Variants in PDE1C observed in about 807,000 individuals in gnomAD.
PDE1C encodes the protein dual specificity calcium/calmodulin-dependent 3',5'-cyclic nucleotide phosphodiesterase 1C.
PDE1C carries 62 observed loss-of-function variants against 93.1 expected under a neutral mutation model. The observed-to-expected ratio is 0.67, with a 90% confidence interval of 0.54 to 0.82. The LOEUF (loss-of-function observed/expected upper bound fraction) is 0.82, where lower values mean the gene tolerates loss of function less well. Among genes scored for constraint, PDE1C ranks in the 40% least tolerant of loss-of-function variants. The pLI, the probability that PDE1C is intolerant of heterozygous loss-of-function variation, is 0.00. For missense variants in PDE1C, 742 were observed against 884.6 expected (o/e 0.84, Z 2.04); for synonymous variants, 325 against 310.1 (o/e 1.05, Z -0.50).
intron 1 of PDE1C, among the ~76,000 whole-genome samples, chr7:32,273,169 A>G (rs1388209298): frequency 6.6e-5 from 10 of 152,198 alleles, no homozygotes; most frequent in African/African-American, 2.4e-4. Flanking sequence ...TATTAGTTAC[A>G]AAAAAGAAGA....
chr7:32,341,269 G>A (rs1783748131), intron 1 of PDE1C, among the ~76,000 whole-genome samples: 2 of 124,564 alleles, frequency 1.6e-5, no homozygotes, highest in East Asian at 2.8e-4. Context: ...TCCGCCTCCC[G>A]GGTTCACGCC....
the PDE1C span, among the ~76,000 whole-genome samples, chr7:31,669,261 C>A: frequency 1.3e-5 from 2 of 151,596 alleles, no homozygotes; most frequent in African/African-American, 4.8e-5. Flanking sequence ...TTTTCTTTTT[C>A]ATAAGCAAAA....
rs866818305 is a variant in PDE1C, at chr7:32,112,870, A to C, written c.308+56915T>G. ...TGTATATATATATATATATATATAT[A>C]TATCTCAAACTCCTGCCTGCTTCTT... On this transcript the variant is annotated intron_variant, in intron 3 of 18. Transcript: ENST00000396193. 5.5e-3 allele frequency among the ~76,000 whole-genome samples: 784 copies of C among 141,468 alleles called. 10 individuals are homozygous for C. Among genetic ancestry groups the C allele is most frequent in the African/African-American group, 0.02 (736 of 36,966 alleles). 92.8% of individuals were successfully genotyped at this position (141,468 alleles called of 152,430 possible). A position where few individuals can be genotyped will look rare whatever the true frequency, so the allele number is the denominator to read the frequency against.
At chr7:32,117,058 T>C (rs968779381) in intron 3 of PDE1C, among the ~76,000 whole-genome samples, 2 of 152,150 alleles carry the variant, frequency 1.3e-5, no homozygotes, top group Admixed American at 6.6e-5. Context: ...TCAGAGTAAA[T>C]AGATGCAAAA....
At chr7:32,135,475 AT>A (rs1367903087) in intron 3 of PDE1C, among the ~76,000 whole-genome samples, 1 of 152,214 alleles carries the variant, frequency 6.6e-6, no homozygotes, top group Non-Finnish European at 1.5e-5. Context: ...CTGAATAGGC[AT>A]TTTTCCAAAG....
At chr7:31,856,682 C>CTTT (rs35316004) in intron 7 of PDE1C, among the ~76,000 whole-genome samples, 1 of 121,048 alleles carries the variant, frequency 8.3e-6, no homozygotes, top group African/African-American at 3.0e-5. Context: ...ATATAAGAGG[C>CTTT]TTTTTTTTTT....
intron 3 of PDE1C, among the ~76,000 whole-genome samples, chr7:32,110,167 T>C (rs1440898133): frequency 6.6e-6 from 1 of 152,192 alleles, no homozygotes; most frequent in Non-Finnish European, 1.5e-5. Context: ...TGGTCTGTGG[T>C]GGCTTTCACA....
Position 32,247,531 on chromosome 7 carries a change from G to C in PDE1C, c.86-37992C>G, listed in dbSNP as rs73687118. Among the ~76,000 whole-genome samples, 171 of 122,382 alleles carry C rather than the reference G, an allele frequency of 1.4e-3. 6 individuals are homozygous for C. Among genetic ancestry groups the C allele is most frequent in the African/African-American group, 2.3e-3 (74 of 32,390 alleles). The allele number at this position is 122,382 out of a possible 152,430, so 80.3% of individuals were successfully genotyped here. On this transcript the variant is annotated intron_variant, in intron 1 of 18. Coordinates refer to the PDE1C transcript ENST00000396193. ...GAAAAGACAAGTGACATGGTGAGTA[G>C]AGACAGTCCCCAACTTATAATGGCT...
intron 2 of PDE1C, among the ~76,000 whole-genome samples, chr7:32,196,969 A>G (rs1287988714): frequency 6.6e-6 from 1 of 152,200 alleles, no homozygotes; most frequent in East Asian, 1.9e-4. Context: ...AGGAACTTCT[A>G]TAGGGATGAG....
intron 2 of PDE1C, among the ~76,000 whole-genome samples, chr7:31,932,573 G>A (rs186809278): frequency 4.2e-4 from 64 of 152,190 alleles, no homozygotes; most frequent in Admixed American, 2.3e-3. Context: ...CAACAGATGC[G>A]GGTGAGGATG....
intron 2 of PDE1C, among the ~76,000 whole-genome samples, chr7:31,920,003 T>G (rs1169688437): frequency 1.3e-5 from 2 of 152,230 alleles, no homozygotes; most frequent in Non-Finnish European, 1.5e-5. Flanking sequence ...TCTGCACTCA[T>G]GCTCATCCTC....
chr7:31,732,636 T>TTGTGTGTGTGTGTGTGTGTG, the PDE1C span, among the ~76,000 whole-genome samples: 22 of 103,204 alleles, frequency 2.1e-4, 2 homozygotes, highest in African/African-American at 7.0e-4. Flanking sequence ...TCTCCTCTCT[T>TTGTGTGTGTGTGTGTGTGTG]TCTGTGTGTG....
the PDE1C span, among the ~76,000 whole-genome samples, chr7:31,741,939 C>T: frequency 1.7e-3 from 265 of 152,344 alleles, 1 homozygote; most frequent in African/African-American, 6.2e-3. Context: ...TAGCCCTCAT[C>T]ACATTGTTTG....
At chr7:32,342,756 A>G (rs1482640665) in intron 1 of PDE1C, among the ~76,000 whole-genome samples, 2 of 152,176 alleles carry the variant, frequency 1.3e-5, no homozygotes, top group Non-Finnish European at 2.9e-5. Context: ...AAATGGGACT[A>G]TAATAACACT....
chr7:32,172,880 G>GAAA (rs138743284), intron 2 of PDE1C, among the ~76,000 whole-genome samples: 17,456 of 148,404 alleles, frequency 0.12, 1,163 homozygotes, highest in Middle Eastern at 0.19. Flanking sequence ...AGGCTGTGGA[G>GAAA]AAATAGGAAC....
chr7:32,198,473 T>C (rs562527855), intron 2 of PDE1C, among the ~76,000 whole-genome samples: 1 of 152,292 alleles, frequency 6.6e-6, no homozygotes, highest in South Asian at 2.1e-4. Context: ...TATATCTCTG[T>C]TGAGTGAGAT....
At chr7:32,270,082 G>T in intron 1 of PDE1C, among the ~76,000 whole-genome samples, 1 of 151,728 alleles carries the variant, frequency 6.6e-6, no homozygotes, top group East Asian at 1.9e-4. Flanking sequence ...ATAAAAGTAG[G>T]GCACCCAATT....
chr7:32,087,200 A>G, intron 3 of PDE1C, among the ~76,000 whole-genome samples: 1 of 148,342 alleles, frequency 6.7e-6, no homozygotes, highest in Non-Finnish European at 1.5e-5. Flanking sequence ...GGATATGAAT[A>G]GAGACTTCTC....
chr7:32,205,191 G>A (rs1805342153), intron 2 of PDE1C, among the ~76,000 whole-genome samples: 2 of 152,166 alleles, frequency 1.3e-5, no homozygotes, highest in African/African-American at 4.8e-5. Context: ...GTCCTGTCAG[G>A]GGTCTCCTGG....
Sources: allele counts gnomAD v4.1 joint callset (sites outside exome capture counted in the v4.1 genomes callset), GRCh38; gene constraint gnomAD v4.1.1; transcripts MANE v1.5; gene names NCBI Gene and HGNC (gene_info 2026-07-23, HGNC 2026-07-21).